Variants in TRAPPC12 observed in about 807,000 individuals in gnomAD.
TRAPPC12 encodes the protein TPR repeat protein 15.
In TRAPPC12, 61 loss-of-function variants were observed where a neutral mutation model predicts 69.2. The observed-to-expected ratio is 0.88, with a 90% CI of 0.72 to 1.09. TRAPPC12 has a LOEUF of 1.09. Among genes scored for constraint, TRAPPC12 ranks in the 50% least tolerant of loss-of-function variants. TRAPPC12 has a pLI of 0.00. For synonymous variants in TRAPPC12, 469 were observed against 438.9 expected, an observed-to-expected ratio of 1.07 and a Z score of -0.86; for missense variants, 1,101 against 1,016.4, an observed-to-expected ratio of 1.08 and a Z score of -1.13.
At chr2:3,388,716 G>A (rs375765452) in intron 2 of TRAPPC12, 46 bp downstream of exon 2, 7 of 1,477,088 alleles carry the variant, frequency 4.7e-6, no homozygotes, top group Admixed American at 2.1e-5. Flanking sequence ...TCCTCTCTGC[G>A]TCTGTGAGAT....
At position 3,479,301 on chromosome 2, in the gene TRAPPC12, A is replaced by G. The variant is rs767995913; in HGVS notation, c.2048A>G (p.Gln683Arg). 6.2e-7 allele frequency: 1 copy of G among 1,614,194 alleles called. No homozygotes were observed. Among genetic ancestry groups the G allele is most frequent in the Admixed American group, 1.7e-5 (1 of 60,026 alleles). Residue 683 changes from glutamine (Q) to arginine (R), a missense_variant, in exon 12 of 12, where the codon CAG becomes CGG. Transcript: ENST00000324266. ...CGGCAGCTGGAGGCCATGGTCCAGC[A>G]GGACCCCAGGCACTACCTGCACGAG... Reference protein sequence around the residue: ...SLRQLEAMVQQDPRHYLHESV... With the variant: ...SLRQLEAMVQRDPRHYLHESV...
intron 6 of TRAPPC12, among the ~76,000 whole-genome samples, chr2:3,451,510 A>T (rs979155668): frequency 1.3e-5 from 2 of 151,922 alleles, no homozygotes; most frequent in African/African-American, 4.8e-5. Flanking sequence ...CCAGTTCAGA[A>T]TTTTCTTTTT....
chr2:3,442,083 A>G (rs62120509), intron 5 of TRAPPC12, among the ~76,000 whole-genome samples: 3 of 116,636 alleles, frequency 2.6e-5, no homozygotes, highest in African/African-American at 2.8e-5. Context: ...CAGCTAGTCT[A>G]TAAATTGAGA....
intron 8 of TRAPPC12, among the ~76,000 whole-genome samples, chr2:3,463,438 C>T (rs1274963701): frequency 2.0e-5 from 3 of 151,722 alleles, no homozygotes; most frequent in Admixed American, 1.3e-4. Context: ...CGCCTGCCCC[C>T]GGCCTGGAAT....
chr2:3,380,148 G>A (rs1660138293), intron 1 of TRAPPC12, among the ~76,000 whole-genome samples: 1 of 152,194 alleles, frequency 6.6e-6, no homozygotes, highest in South Asian at 2.1e-4. Context: ...TGCGGGAAGG[G>A]GAAGCTGCTG....
At chr2:3,443,965 T>C (rs1664367907) in intron 6 of TRAPPC12, 74 bp downstream of exon 6, 6 of 1,134,540 alleles carry the variant, frequency 5.3e-6, no homozygotes, top group Non-Finnish European at 7.8e-6. Context: ...GACATGCCCG[T>C]GCTGTTCCCT....
intron 8 of TRAPPC12, among the ~76,000 whole-genome samples, chr2:3,462,217 GGTA>G (rs1249597467): frequency 1.3e-5 from 2 of 152,172 alleles, no homozygotes; most frequent in African/African-American, 4.8e-5. Context: ...GTGGCACTGT[GGTA>G]GTAACACCAC....
chr2:3,400,684 A>G (rs896435435), intron 2 of TRAPPC12, among the ~76,000 whole-genome samples: 44 of 152,258 alleles, frequency 2.9e-4, no homozygotes, highest in Non-Finnish European at 1.2e-4. Context: ...CCTGCGGTGC[A>G]GCCACCGAAA....
chr2:3,477,425 C>G (rs73910561), intron 9 of TRAPPC12, among the ~76,000 whole-genome samples: 1,994 of 152,190 alleles, frequency 0.013, 49 homozygotes, highest in African/African-American at 0.045. Context: ...AGAATTCATT[C>G]CAAAAGGTAA....
intron 7 of TRAPPC12, chr2:3,458,383 G>T: frequency 1.0e-6 from 1 of 985,864 alleles, no homozygotes; most frequent in Non-Finnish European, 1.2e-6. Flanking sequence ...TGGTGGCCTG[G>T]TCATCTCCTC....
In TRAPPC12 at chr2:3,399,640, A is replaced by G. The variant is rs116271170; in HGVS notation, c.1048-2137A>G. ...CAGGCTGTTGATCTCTCCTGGTAGA[A>G]GGGAGGCAGCAGAGCAGAGAAGCAA... On this transcript the variant is annotated intron_variant, in intron 2 of 11. Coordinates refer to ENST00000324266, the MANE Select transcript of TRAPPC12 (RefSeq NM_016030.6). 3.9e-3 allele frequency among the ~76,000 whole-genome samples: 593 copies of G among 152,302 alleles called. 3 individuals are homozygous for G. Among genetic ancestry groups the G allele is most frequent in the African/African-American group, 0.012 (510 of 41,574 alleles).
In TRAPPC12 at chr2:3,408,716, T is replaced by G. The variant is rs1661868746; in HGVS notation, c.1164+6823T>G. 1.3e-5 allele frequency among the ~76,000 whole-genome samples: 2 copies of G among 152,334 alleles called. 1 individual carries two copies. Among genetic ancestry groups the G allele is most frequent in the Non-Finnish European group, 2.9e-5 (2 of 68,028 alleles). On this transcript the variant is annotated intron_variant, in intron 3 of 11. Coordinates refer to ENST00000324266, the MANE Select transcript of TRAPPC12 (RefSeq NM_016030.6). ...AACAATCCCACTTTCAATTATATAC[T>G]TTAGAAAAACTTGTACATGTGTGTA...
chr2:3,439,110 G>C (rs1664054110), intron 5 of TRAPPC12, among the ~76,000 whole-genome samples: 1 of 152,062 alleles, frequency 6.6e-6, no homozygotes, highest in Non-Finnish European at 1.5e-5. Flanking sequence ...GCCAGCTTTT[G>C]GTATTGTCAT....
intron 2 of TRAPPC12, among the ~76,000 whole-genome samples, chr2:3,392,877 C>T (rs527859666): frequency 2.0e-5 from 3 of 152,350 alleles, no homozygotes; most frequent in South Asian, 4.1e-4. Flanking sequence ...GAGATGCCTG[C>T]GCTCCATGCT....
At chr2:3,415,755 T>C (rs1035552686) in intron 3 of TRAPPC12, among the ~76,000 whole-genome samples, 2 of 141,730 alleles carry the variant, frequency 1.4e-5, no homozygotes, top group Non-Finnish European at 3.1e-5. Flanking sequence ...CTCGCTCTGT[T>C]GCCCAGGCTG....
chr2:3,388,581 C>T lies in TRAPPC12; in HGVS notation c.958C>T (p.Leu320=). 6.2e-7 allele frequency: 1 copy of T among 1,611,528 alleles called. No individual in the cohort carries two copies. Among genetic ancestry groups the T allele is most frequent in the Non-Finnish European group, 8.5e-7 (1 of 1,179,028 alleles). ...WLPGEATRGV[L]RAVATQQRGA... is the part of the protein sequence containing the mutation. The stretch of plus-strand genomic sequence containing the variant: ...TCCCGGCGAGGCTACGCGTGGAGTC[C>T]TGCGGGCCGTGGCCACCCAGCAGCG... The change falls in exon 2 of 12, where the codon CTG becomes TTG. Residue 320 remains leucine (L), a synonymous_variant. Transcript: ENST00000324266.
At chr2:3,397,088 C>T (rs560147452) in intron 2 of TRAPPC12, among the ~76,000 whole-genome samples, 25 of 152,262 alleles carry the variant, frequency 1.6e-4, no homozygotes, top group East Asian at 5.8e-4. Flanking sequence ...CTCTTAGTTA[C>T]GGGACACATG....
At chr2:3,430,721 T>C (rs1572148186) in intron 5 of TRAPPC12, among the ~76,000 whole-genome samples, 1 of 152,292 alleles carries the variant, frequency 6.6e-6, no homozygotes, top group East Asian at 1.9e-4. Flanking sequence ...GTATCTTCTT[T>C]ATTCCACATA....
intron 3 of TRAPPC12, among the ~76,000 whole-genome samples, chr2:3,409,691 AGT>A (rs894391736): frequency 2.7e-4 from 38 of 142,828 alleles, no homozygotes; most frequent in African/African-American, 9.6e-4. Flanking sequence ...TGGAGGCTGC[AGT>A]GAGCCCTGAT....
Sources: allele counts gnomAD v4.1 joint callset (sites outside exome capture counted in the v4.1 genomes callset), GRCh38; gene constraint gnomAD v4.1.1; transcripts MANE v1.5; gene names NCBI Gene and HGNC (gene_info 2026-07-23, HGNC 2026-07-21).